ABAT: variants seen among roughly 807,000 people sequenced by gnomAD.
ABAT encodes the protein 4-aminobutyrate aminotransferase, also known as 4-aminobutyrate aminotransferase, mitochondrial.
In ABAT, 45 loss-of-function variants were observed where a neutral mutation model predicts 64.6. That is an observed-to-expected ratio of 0.70 (90% CI 0.55 to 0.89). The LOEUF is 0.89. Among genes scored for constraint, ABAT ranks in the 40% least tolerant of loss-of-function variants. The probability of loss-of-function intolerance (pLI) is 0.00; values close to 1 mark genes in which losing one functional copy is unlikely to be tolerated. For synonymous variants in ABAT, 297 were observed against 250.5 expected, an observed-to-expected ratio of 1.19 and a Z score of -1.75; for missense variants, 633 against 658.4, an observed-to-expected ratio of 0.96 and a Z score of 0.42.
At chr16:8,700,287 C>A (rs760606003) in intron 1 of ABAT, among the ~76,000 whole-genome samples, 1 of 152,172 alleles carries the variant, frequency 6.6e-6, no homozygotes, top group Non-Finnish European at 1.5e-5. Flanking sequence ...GGGGGCTGGA[C>A]TTTCCTGATA....
chr16:8,714,406 A>C (rs1359691103), intron 1 of ABAT, among the ~76,000 whole-genome samples: 4 of 152,226 alleles, frequency 2.6e-5, no homozygotes, highest in Admixed American at 1.3e-4. Flanking sequence ...GTTTGCAGTG[A>C]GAATCTCAGT....
At chr16:8,754,078 G>T (rs993881020) in intron 5 of ABAT, among the ~76,000 whole-genome samples, 1 of 150,874 alleles carries the variant, frequency 6.6e-6, no homozygotes, top group Non-Finnish European at 1.5e-5. Flanking sequence ...GGACACAGTG[G>T]CTCACGCCTG....
At chr16:8,741,658 C>A (rs1004396147) in intron 2 of ABAT, among the ~76,000 whole-genome samples, 1 of 152,150 alleles carries the variant, frequency 6.6e-6, no homozygotes, top group Non-Finnish European at 1.5e-5. Context: ...AATTTTTGTT[C>A]TGTTCTCTTG....
Position 8,766,390 on chromosome 16 carries a change from C to T in ABAT, c.603+120C>T, listed in dbSNP as rs1463553386. 4 of 951,664 alleles carry T rather than the reference C, an allele frequency of 4.2e-6. No homozygotes were observed. In the African/African-American group the frequency reaches 4.9e-5, roughly 12 times the overall value. The allele number at this position is 951,664 out of a possible 1,614,324, so 59.0% of individuals were successfully genotyped here. ...AAGGGCCAGGCCAGGCGCGGTGGCT[C>T]ATGCCTGTAATCCCAGCACTTTGGG... On this transcript the variant is annotated intron_variant, in intron 9 of 15. Coordinates refer to ENST00000268251, the MANE Select transcript of ABAT (RefSeq NM_020686.6).
rs150208517 is a variant in ABAT at position 8,757,981 on chromosome 16, C to T, written c.366+175C>T. 4.2e-3 allele frequency among the ~76,000 whole-genome samples: 640 copies of T among 152,230 alleles called. 2 individuals carry two copies. The highest frequency in any genetic ancestry group is 0.02 in the East Asian group (104 of 5,190). ...GCCTTGATGAATGAAAACGCAGTGC[C>T]GACATTCCCACGGAGGCAGTCAATT... On this transcript the variant is annotated intron_variant, in intron 6 of 15. Transcript: ENST00000268251.
intron 6 of ABAT, among the ~76,000 whole-genome samples, chr16:8,759,911 T>A (rs1472244978): frequency 6.6e-6 from 1 of 152,200 alleles, no homozygotes; most frequent in Non-Finnish European, 1.5e-5. Flanking sequence ...CTCGTCTGGC[T>A]TATTTCATTC....
intron 6 of ABAT, among the ~76,000 whole-genome samples, chr16:8,761,168 G>A (rs1268761931): frequency 6.6e-6 from 1 of 151,972 alleles, no homozygotes; most frequent in African/African-American, 2.4e-5. Flanking sequence ...TCCCTGCCAG[G>A]AGCTTCCCCC....
intron 11 of ABAT, among the ~76,000 whole-genome samples, chr16:8,772,252 CTGTGTGTGTGTGTGTG>C (rs55677241): frequency 0.029 from 4,274 of 147,762 alleles, 75 homozygotes; most frequent in African/African-American, 0.038. Context: ...CTCTCTGTCT[CTGTGTGTGTGTGTGTG>C]TGTGTGTGTG....
At chr16:8,720,713 G>A (rs1174553065) in intron 1 of ABAT, 1 of 152,308 alleles carries the variant, frequency 6.6e-6, no homozygotes, top group Non-Finnish European at 1.5e-5. Context: ...GGCTGAGTGT[G>A]TCTTTGTGTC....
At chr16:8,779,648 C>T (rs928471432) in intron 15 of ABAT, 58 bp downstream of exon 15, 2 of 1,409,662 alleles carry the variant, frequency 1.4e-6, no homozygotes, top group South Asian at 1.2e-5. Flanking sequence ...CCTGCTGTAG[C>T]TGCCACATGT....
intron 1 of ABAT, among the ~76,000 whole-genome samples, chr16:8,700,892 C>T (rs1011374303): frequency 4.6e-5 from 7 of 151,802 alleles, no homozygotes; most frequent in Non-Finnish European, 7.4e-5. Flanking sequence ...AGGCATGAGC[C>T]GCCATGCTGG....
At chr16:8,678,623 C>G (rs1447876205) in intron 1 of ABAT, among the ~76,000 whole-genome samples, 4 of 152,234 alleles carry the variant, frequency 2.6e-5, no homozygotes, top group Admixed American at 6.5e-5. Flanking sequence ...ATGGCATGCT[C>G]TTTGGTCCAG....
chr16:8,780,631 G>C (rs914676716), intron 15 of ABAT: 3 of 157,764 alleles, frequency 1.9e-5, no homozygotes, highest in African/African-American at 7.2e-5. Flanking sequence ...CCGTGGTGGC[G>C]GCACCTGTGA....
chr16:8,676,984 T>C (rs773468994), intron 1 of ABAT, among the ~76,000 whole-genome samples: 1 of 152,200 alleles, frequency 6.6e-6, no homozygotes, highest in Non-Finnish European at 1.5e-5. Flanking sequence ...CCCCACCCAG[T>C]TCCCAGCTAA....
At chr16:8,679,243 T>C (rs988125924) in intron 1 of ABAT, among the ~76,000 whole-genome samples, 2 of 152,158 alleles carry the variant, frequency 1.3e-5, no homozygotes, top group African/African-American at 2.4e-5. Context: ...TTGAGAGACT[T>C]GCTAACACCA....
At chr16:8,727,785 T>G (rs919309390) in intron 1 of ABAT, among the ~76,000 whole-genome samples, 3 of 152,242 alleles carry the variant, frequency 2.0e-5, no homozygotes, top group Non-Finnish European at 4.4e-5. Context: ...AAGTGATGAC[T>G]TGGCCAGGAG....
In ABAT at chr16:8,781,313, G is replaced by A; in HGVS notation, c.1386G>A (p.Val462=). 2 of 1,614,084 alleles carry A rather than the reference G, an allele frequency of 1.2e-6. No homozygotes were observed. Among genetic ancestry groups the A allele is most frequent in the African/African-American group, 1.3e-5 (1 of 75,044 alleles). ...CCTACCTCCTGCCTCTTTCAGGTGTGGTGTTGGGTGGCTGTGGTGACAAAT... is the reference window on the plus strand; with the variant it reads ...CCTACCTCCTGCCTCTTTCAGGTGTAGTGTTGGGTGGCTGTGGTGACAAAT... ...KLILIARNKG[V]VLGGCGDKSI... is the part of the protein sequence containing the mutation. Residue 462 remains valine, a synonymous_variant, in exon 16 of 16, where the codon GTG becomes GTA. Coordinates refer to ENST00000268251, the MANE Select transcript of ABAT (RefSeq NM_020686.6). This position sits in a 1 kb window ranked among gnomAD's most constrained non-coding sequence, Gnocchi z 4.5.
At chr16:8,708,170 T>G (rs2057990345) in intron 1 of ABAT, among the ~76,000 whole-genome samples, 1 of 75,278 alleles carries the variant, frequency 1.3e-5, no homozygotes, top group Non-Finnish European at 3.4e-5. Flanking sequence ...ACAAAAGGAG[T>G]CTGCTGGGAG....
At chr16:8,753,090 T>C (rs2059538685) in intron 5 of ABAT, among the ~76,000 whole-genome samples, 1 of 148,914 alleles carries the variant, frequency 6.7e-6, no homozygotes, top group Non-Finnish European at 1.5e-5. Context: ...CCCAAGCTTA[T>C]TCTTTTTTTT....
Sources: allele counts gnomAD v4.1 joint callset (sites outside exome capture counted in the v4.1 genomes callset), GRCh38; gene constraint gnomAD v4.1.1; non-coding constraint Gnocchi (gnomAD v3.1); transcripts MANE v1.5; gene names NCBI Gene and HGNC (gene_info 2026-07-23, HGNC 2026-07-21).